Variants in SDE2 observed in about 807,000 individuals in gnomAD.
SDE2 encodes splicing regulator SDE2.
Under a neutral mutation model 46.9 loss-of-function variants are expected in SDE2, and 31 were observed. The observed-to-expected ratio is 0.66, with a 90% CI of 0.50 to 0.89. SDE2 has a LOEUF of 0.89. Among genes scored for constraint, SDE2 ranks in the 40% least tolerant of loss-of-function variants. The pLI, the probability that SDE2 is intolerant of heterozygous loss-of-function variation, is 0.00. For missense variants in SDE2, 542 were observed against 564.4 expected, an observed-to-expected ratio of 0.96 and a Z score of 0.40; for synonymous variants, 205 against 204.3, an observed-to-expected ratio of 1.00 and a Z score of -0.03.
chr1:225,986,388 T>A (rs1381648892), intron 6 of SDE2, among the ~76,000 whole-genome samples: 1 of 151,870 alleles, frequency 6.6e-6, no homozygotes, highest in East Asian at 1.9e-4. Context: ...TTGAAAAGAA[T>A]GAAAATGTCT....
intron 6 of SDE2, 35 bp from the exon 7 acceptor site, chr1:225,985,558 G>C (rs753506495): frequency 3.7e-6 from 5 of 1,341,124 alleles, no homozygotes; most frequent in Middle Eastern, 1.9e-4. Flanking sequence ...TTTAAAACAG[G>C]CTCCTTCCTC....
intron 2 of SDE2, among the ~76,000 whole-genome samples, chr1:225,994,235 C>T (rs746284058): frequency 6.6e-6 from 1 of 152,166 alleles, no homozygotes; most frequent in Non-Finnish European, 1.5e-5. Context: ...TAACACCACA[C>T]CTGGCTAATT....
At chr1:225,987,512 G>C (rs1656293813) in intron 6 of SDE2, among the ~76,000 whole-genome samples, 1 of 152,046 alleles carries the variant, frequency 6.6e-6, no homozygotes, top group South Asian at 2.1e-4. Context: ...TTAGTGACGG[G>C]AAAAATGAGC....
At chr1:225,993,111 C>CTT in intron 2 of SDE2, 109 bp from the exon 3 acceptor site, 2 of 311,576 alleles carry the variant, frequency 6.4e-6, no homozygotes. Flanking sequence ...TCTCTACTTT[C>CTT]TTTCTTTTTT....
At chr1:225,986,612 A>G (rs1036063246) in intron 6 of SDE2, among the ~76,000 whole-genome samples, 1 of 152,256 alleles carries the variant, frequency 6.6e-6, no homozygotes, top group Non-Finnish European at 1.5e-5. Flanking sequence ...TGTTAGGAAT[A>G]CAACAGCTAT....
At chr1:225,990,433 C>T (rs1368301804) in intron 5 of SDE2, among the ~76,000 whole-genome samples, 2 of 152,062 alleles carry the variant, frequency 1.3e-5, no homozygotes, top group African/African-American at 4.8e-5. Flanking sequence ...TATTTCAGGT[C>T]ATTAAAATAC....
rs1019554652 is a variant in SDE2, at chr1:225,983,177, C to G, written c.*2125G>C. The G allele has an allele frequency of 1.3e-5, 2 of 152,112 alleles. No individual in the cohort carries two copies. The highest frequency in any genetic ancestry group is 2.9e-5 in the Non-Finnish European group (2 of 68,016). 9.4% of individuals were successfully genotyped at this position (152,112 alleles called of 1,614,324 possible). A position where few individuals can be genotyped will look rare whatever the true frequency, so the allele number is the denominator to read the frequency against. On this transcript the variant is annotated 3_prime_UTR_variant, in exon 7 of 7. Coordinates refer to ENST00000272091, the MANE Select transcript of SDE2 (RefSeq NM_152608.4). The stretch of plus-strand genomic sequence containing the variant: ...TTAAAGAAACTACTTTAAATAGGCA[C>G]AGAAGCACAAAGTAAATTAATAGAA...
Position 225,985,262 on chromosome 1 carries a change from G to T in SDE2, c.*40C>A. On this transcript the variant is annotated 3_prime_UTR_variant, in exon 7 of 7. Coordinates refer to ENST00000272091, the MANE Select transcript of SDE2 (RefSeq NM_152608.4). ...GTCCACATTATGCAGGTTGTAAATG[G>T]TAGACACTATAAACAAATAGGAATC... 2 of 1,482,420 alleles carry T rather than the reference G, an allele frequency of 1.3e-6. No homozygotes were observed. The highest frequency in any genetic ancestry group is 1.9e-6 in the Non-Finnish European group (2 of 1,060,068). 91.8% of individuals were successfully genotyped at this position (1,482,420 alleles called of 1,614,324 possible). A position where few individuals can be genotyped will look rare whatever the true frequency, so the allele number is the denominator to read the frequency against.
Position 225,991,291 on chromosome 1 carries a change from T to G in SDE2, c.593A>C (p.Lys198Thr), listed in dbSNP as rs1203307029. 1 of 1,613,950 alleles carries G rather than the reference T, an allele frequency of 6.2e-7. No homozygotes were observed. The highest frequency in any genetic ancestry group is 1.1e-5 in the South Asian group (1 of 91,078). The change falls in exon 5 of 7, where the codon AAA becomes ACA. Residue 198 changes from lysine (K) to threonine (T), a missense_variant. Physicochemically the swap from Lys to Thr is moderately conservative, Grantham distance 78 (BLOSUM62 -1). This residue lies in a region of SDE2 where 401 missense variants were observed against 437.8 expected (regional missense o/e 0.92). Transcript: ENST00000272091. ...ACTGGCTCCTCTGTCTGTTTGAGAT[T>G]TAGTAGGCCATTGCCGTTTCCGATT... The part of the protein sequence containing the change: ...SENRKRQWPT[K>T]SQTDRGASAG...
chr1:225,993,340 A>G (rs989262286), intron 2 of SDE2, among the ~76,000 whole-genome samples: 14 of 152,164 alleles, frequency 9.2e-5, no homozygotes, highest in Non-Finnish European at 1.8e-4. Context: ...GGCCAGGTGC[A>G]GTGGCTCACG....
rs941209478 is a variant in SDE2 at position 225,984,525 on chromosome 1, C to G, written c.*777G>C. On this transcript the variant is annotated 3_prime_UTR_variant, in exon 7 of 7. Transcript: ENST00000272091. ...AAGGTTGGTTCTTTAAAAGTTATAT[C>G]GTCGGCCAGGCACGGTGGCTCACGC... 6.6e-6 allele frequency: 1 copy of G among 151,978 alleles called. No homozygotes were observed. Among genetic ancestry groups the G allele is most frequent in the East Asian group, 1.9e-4 (1 of 5,154 alleles). 9.4% of individuals were successfully genotyped at this position (151,978 alleles called of 1,614,324 possible). A position where few individuals can be genotyped will look rare whatever the true frequency, so the allele number is the denominator to read the frequency against.
At chr1:225,999,160 T>C (rs776972535) in intron 1 of SDE2, 33 bp downstream of exon 1, 1 of 1,588,338 alleles carries the variant, frequency 6.3e-7, no homozygotes, top group South Asian at 1.1e-5. Flanking sequence ...TGTCTGCCTC[T>C]TTCTCCTTCC....
chr1:225,992,185 GA>G (rs368095249), intron 4 of SDE2, among the ~76,000 whole-genome samples: 71 of 148,770 alleles, frequency 4.8e-4, no homozygotes, highest in East Asian at 2.7e-3. Context: ...GTTTTGGGGG[GA>G]AAAAAAAAAG....
At position 225,985,150 on chromosome 1, in the gene SDE2, C is replaced by T. The variant is rs1656240501; in HGVS notation, c.*152G>A. Reference sequence around the variant, plus strand: ...GCCCAGATGGTTTCAGACATTAATTCTACAGCCCTGACAAGGAAAAAGGGG... The same window carrying T: ...GCCCAGATGGTTTCAGACATTAATTTTACAGCCCTGACAAGGAAAAAGGGG... On this transcript the variant is annotated 3_prime_UTR_variant, in exon 7 of 7. Coordinates refer to ENST00000272091, the MANE Select transcript of SDE2 (RefSeq NM_152608.4). The T allele has an allele frequency of 1.6e-6, 1 of 626,868 alleles. No homozygotes were observed. Among genetic ancestry groups the T allele is most frequent in the East Asian group, 2.7e-5 (1 of 36,554 alleles). The allele number at this position is 626,868 out of a possible 1,614,324, so 38.8% of individuals were successfully genotyped here.
chr1:225,992,562 G>A lies in SDE2; in HGVS notation c.356C>T (p.Ala119Val). The A allele has an allele frequency of 3.7e-6, 6 of 1,602,378 alleles. No homozygotes were observed. The highest frequency in any genetic ancestry group is 5.1e-6 in the Non-Finnish European group (6 of 1,174,938). The change falls in exon 4 of 7, where the codon GCT becomes GTT. Residue 119 changes from alanine to valine, a missense_variant. Ala to Val is a moderately conservative substitution (Grantham distance 64, BLOSUM62 0). Transcript: ENST00000272091. ...CTCGGCTTGTTGTTTTACCCATTCA[G>A]CCATTCTGGGGATGAGGGAGGAAGA... Reference protein sequence around the residue: ...LRDVNHEKAMAEWVKQQAERE... With the variant: ...LRDVNHEKAMVEWVKQQAERE...
At chr1:225,988,675 G>A (rs1162220305) in intron 5 of SDE2, among the ~76,000 whole-genome samples, 2 of 152,132 alleles carry the variant, frequency 1.3e-5, no homozygotes, top group African/African-American at 4.8e-5. Context: ...GTTGCGGTGA[G>A]ACGAGATCGC....
chr1:225,993,452 A>C (rs971788908), intron 2 of SDE2, among the ~76,000 whole-genome samples: 4 of 152,144 alleles, frequency 2.6e-5, no homozygotes, highest in African/African-American at 9.7e-5. Flanking sequence ...TCTACTAAAA[A>C]ATACAAAAAA....
chr1:225,988,468 G>A, intron 5 of SDE2, 80 bp from the exon 6 acceptor site: 5 of 1,461,910 alleles, frequency 3.4e-6, no homozygotes, highest in Non-Finnish European at 4.7e-6. Context: ...CAGTGGCTCA[G>A]GCCTGTAATC....
Position 225,988,140 on chromosome 1 carries a change from G to A in SDE2, c.890C>T (p.Ser297Leu), listed in dbSNP as rs748358175. ...TTTGGACTCCCCCAGCTCAGCACATGAGTCTTCTAAAATATGCCTCCCAGA... is the reference window on the plus strand; with the variant it reads ...TTTGGACTCCCCCAGCTCAGCACATAAGTCTTCTAAAATATGCCTCCCAGA... ...TDSGRHILED[S>L]CAELGESKEH... The change falls in exon 6 of 7, where the codon TCA becomes TTA. Residue 297 changes from serine to leucine, a missense_variant. Coordinates refer to ENST00000272091, the MANE Select transcript of SDE2 (RefSeq NM_152608.4). The A allele has an allele frequency of 1.9e-6, 3 of 1,614,120 alleles. No homozygotes were observed. The highest frequency in any genetic ancestry group is 1.1e-5 in the South Asian group (1 of 91,082).
Sources: gnomAD v4.1 joint callset for allele counts (sites outside exome capture counted in the v4.1 genomes callset) on GRCh38, gnomAD v4.1.1 for gene constraint, gnomAD v4.1.1 regional missense constraint, MANE v1.5 for transcripts, NCBI Gene and HGNC (gene_info 2026-07-23, HGNC 2026-07-21) for gene names.